The following PTPN13 variants were observed in gnomAD, a reference collection of about 807,000 sequenced individuals.
PTPN13 encodes tyrosine-protein phosphatase non-receptor type 13.
PTPN13 carries 191 observed loss-of-function variants against 284.0 expected under a neutral mutation model. That is an observed-to-expected ratio of 0.67 (90% CI 0.60 to 0.76). The LOEUF (loss-of-function observed/expected upper bound fraction) is 0.76. PTPN13 is among the 30% of genes least tolerant of loss of function. The pLI is 0.00. For synonymous variants in PTPN13, 986 were observed against 1,022.3 expected (o/e 0.96, Z 0.68); for missense variants, 2,797 against 2,939.9 (o/e 0.95, Z 1.12).
Position 86,643,609 on chromosome 4 carries a change from C to T in PTPN13, c.115+8238C>T, listed in dbSNP as rs574839595. 4.6e-5 allele frequency among the ~76,000 whole-genome samples: 7 copies of T among 152,110 alleles called. No homozygotes were observed. In the South Asian group the frequency reaches 1.4e-3, roughly 32 times the overall value. ...ATTACTTTTATTGCATAAATACTTT[C>T]AGGAAAATTATCTTGCTACTAAAAG... On this transcript the variant is annotated intron_variant, in intron 2 of 47. Transcript: ENST00000411767.
intron 2 of PTPN13, among the ~76,000 whole-genome samples, chr4:86,636,479 G>C (rs1395673996): frequency 6.6e-6 from 1 of 152,132 alleles, no homozygotes; most frequent in African/African-American, 2.4e-5. Flanking sequence ...AAATTGATTT[G>C]AATGCATACA....
In PTPN13 at chr4:86,672,493, C is replaced by T. The variant is rs1198113538; in HGVS notation, c.244C>T (p.Pro82Ser). The T allele has an allele frequency of 1.2e-6, 2 of 1,606,952 alleles. No homozygotes were observed. The highest frequency in any genetic ancestry group is 2.2e-5 in the East Asian group (1 of 44,750). The change falls in exon 3 of 48, where the codon CCA (proline) becomes TCA (serine). Residue 82 changes from proline to serine, a missense_variant. Physicochemically the swap from Pro to Ser is moderately conservative, Grantham distance 74. Transcript: ENST00000411767. Reference protein sequence around the residue: ...SNQDLRAFTAPEVLQNQSLTS... With the variant: ...SNQDLRAFTASEVLQNQSLTS... ...TCAGGATCTTCGAGCATTCACTGCA[C>T]CAGAGGTTCTTCAAAATCAGTCACT...
intron 17 of PTPN13, among the ~76,000 whole-genome samples, chr4:86,747,543 A>AGCG (rs1160822246): frequency 1.1e-4 from 16 of 144,678 alleles, no homozygotes; most frequent in African/African-American, 3.9e-4. Context: ...TAGCAGCAGC[A>AGCG]GCAGCGGCAG....
intron 43 of PTPN13, among the ~76,000 whole-genome samples, chr4:86,804,726 C>A (rs751790517): frequency 1.3e-5 from 2 of 152,174 alleles, no homozygotes; most frequent in Non-Finnish European, 2.9e-5. Flanking sequence ...GCTGTAAAGG[C>A]CAGGAGAGCC....
At chr4:86,655,106 G>A (rs1256558345) in intron 2 of PTPN13, among the ~76,000 whole-genome samples, 2 of 152,002 alleles carry the variant, frequency 1.3e-5, no homozygotes. Flanking sequence ...AGATCTTCCT[G>A]CGTCCCTTTA....
chr4:86,600,432 CTTTTTTTTTTTT>C (rs10588960), intron 1 of PTPN13, among the ~76,000 whole-genome samples: 1 of 50,414 alleles, frequency 2.0e-5, no homozygotes, highest in Admixed American at 3.0e-4. Context: ...TACATAACCA[CTTTTTTTTTTTT>C]TTTTTTTTTT....
chr4:86,788,341 A>G (rs936309320), intron 40 of PTPN13, among the ~76,000 whole-genome samples: 3 of 152,200 alleles, frequency 2.0e-5, no homozygotes, highest in African/African-American at 4.8e-5. Flanking sequence ...AGTTTTAAAA[A>G]TTATTTAGAA....
Position 86,781,373 on chromosome 4 carries a change from A to G in PTPN13, c.5963-828A>G, listed in dbSNP as rs575802236. ...TTTAAATATGTGATGTTTTAGCTGT[A>G]AGTGAAATATAATCTCCTTTTTTAA... is the stretch of plus-strand genomic sequence containing the variant. On this transcript the variant is annotated intron_variant, in intron 36 of 47. Coordinates refer to ENST00000411767, the MANE Select transcript of PTPN13 (RefSeq NM_080683.3). Among the ~76,000 whole-genome samples, 3 of 152,310 alleles carry G rather than the reference A, an allele frequency of 2.0e-5. No homozygotes were observed. The South Asian group carries it at 6.2e-4, about 32-fold the overall frequency.
At chr4:86,712,416 A>G (rs768139153) in intron 7 of PTPN13, among the ~76,000 whole-genome samples, 1 of 151,716 alleles carries the variant, frequency 6.6e-6, no homozygotes, top group Non-Finnish European at 1.5e-5. Context: ...GTGCCTCTCC[A>G]TATATACCAC....
chr4:86,614,329 T>A (rs1720293191), intron 1 of PTPN13, among the ~76,000 whole-genome samples: 1 of 152,184 alleles, frequency 6.6e-6, no homozygotes, highest in Non-Finnish European at 1.5e-5. Flanking sequence ...ACTAAAACTG[T>A]AATATTGCAA....
At chr4:86,679,282 ATTG>A (rs1487375526) in intron 3 of PTPN13, among the ~76,000 whole-genome samples, 1 of 152,124 alleles carries the variant, frequency 6.6e-6, no homozygotes, top group Admixed American at 6.5e-5. Flanking sequence ...CTTATGCTCT[ATTG>A]TTCTCTCTGT....
chr4:86,762,458 G>A (rs1363460610), intron 23 of PTPN13, among the ~76,000 whole-genome samples: 1 of 152,202 alleles, frequency 6.6e-6, no homozygotes, highest in Non-Finnish European at 1.5e-5. Flanking sequence ...TGTGGAATCA[G>A]TAGAGTCTCC....
intron 2 of PTPN13, among the ~76,000 whole-genome samples, chr4:86,671,881 A>G (rs1337797815): frequency 6.6e-6 from 1 of 152,228 alleles, no homozygotes; most frequent in Non-Finnish European, 1.5e-5. Context: ...CTTGGGATCT[A>G]TAAATGGGTT....
intron 7 of PTPN13, 143 bp from the exon 8 acceptor site, chr4:86,716,387 A>G (rs1733020017): frequency 1.7e-6 from 1 of 584,080 alleles, no homozygotes; most frequent in Non-Finnish European, 2.9e-6. Context: ...ATTGGAACGC[A>G]TTATTTGAAT....
intron 46 of PTPN13, 45 bp downstream of exon 46, chr4:86,810,029 T>A: frequency 6.7e-7 from 1 of 1,485,238 alleles, no homozygotes; most frequent in Non-Finnish European, 9.3e-7. Flanking sequence ...TCAGAAATAA[T>A]GATGGAGTCT....
intron 2 of PTPN13, among the ~76,000 whole-genome samples, chr4:86,636,972 C>T (rs930777241): frequency 9.9e-5 from 15 of 151,052 alleles, no homozygotes; most frequent in Non-Finnish European, 1.5e-4. Flanking sequence ...ATCAAATAGA[C>T]GCAATAAAAA....
chr4:86,736,253 C>T (rs1038988418), intron 15 of PTPN13, among the ~76,000 whole-genome samples: 2 of 152,200 alleles, frequency 1.3e-5, no homozygotes, highest in African/African-American at 2.4e-5. Context: ...ATTAGTTCTA[C>T]AGTCTATTAG....
intron 7 of PTPN13, 44 bp downstream of exon 7, chr4:86,701,845 A>C: frequency 2.7e-6 from 4 of 1,507,468 alleles, no homozygotes; most frequent in Non-Finnish European, 2.7e-6. Context: ...GAAGTATTTT[A>C]AATATTTTTT....
At chr4:86,793,142 C>CA (rs1371613702) in intron 40 of PTPN13, among the ~76,000 whole-genome samples, 2 of 151,826 alleles carry the variant, frequency 1.3e-5, no homozygotes. Flanking sequence ...TGCATAGGCT[C>CA]AAAATAAAGG....
Sources: allele counts gnomAD v4.1 joint callset (sites outside exome capture counted in the v4.1 genomes callset), GRCh38; gene constraint gnomAD v4.1.1; transcripts MANE v1.5; gene names NCBI Gene and HGNC (gene_info 2026-07-23, HGNC 2026-07-21).